Variants in DCLRE1C observed in about 807,000 individuals in gnomAD.
DCLRE1C encodes protein artemis.
Under a neutral mutation model 61.4 loss-of-function variants are expected in DCLRE1C, and 47 were observed. That is an observed-to-expected ratio of 0.77 (90% confidence interval 0.61 to 0.98). The LOEUF is 0.98. Among genes scored for constraint, DCLRE1C ranks in the 50% least tolerant of loss-of-function variants. The pLI, the probability that DCLRE1C is intolerant of heterozygous loss-of-function variation, is 0.00. For missense variants in DCLRE1C, 858 were observed against 816.0 expected (o/e 1.05, Z -0.63); for synonymous variants, 337 against 287.6 (o/e 1.17, Z -1.74).
At chr10:14,946,363 C>T (rs1051372041) in intron 2 of DCLRE1C, among the ~76,000 whole-genome samples, 6 of 152,108 alleles carry the variant, frequency 3.9e-5, no homozygotes, top group African/African-American at 1.4e-4. Context: ...ATATAGTCTA[C>T]GGTAGATTGT....
At chr10:14,948,908 A>G (rs910231394) in intron 2 of DCLRE1C, 128 bp downstream of exon 2, 2 of 726,640 alleles carry the variant, frequency 2.8e-6, no homozygotes. Context: ...GTACTGTCCT[A>G]TTTCTTAATC....
At position 14,908,117 on chromosome 10, in the gene DCLRE1C, C is replaced by G; in HGVS notation, c.*291G>C. 1 of 343,348 alleles carries G rather than the reference C, an allele frequency of 2.9e-6. No homozygotes were observed. The highest frequency in any genetic ancestry group is 5.2e-6 in the Non-Finnish European group (1 of 190,952). The allele number at this position is 343,348 out of a possible 1,614,324, so 21.3% of individuals were successfully genotyped here. A position where few individuals can be genotyped will look rare whatever the true frequency, so the allele number is the denominator to read the frequency against. Reference sequence around the variant, plus strand: ...CTCACTGCAGCCTCAATCTCCTGGGCTCAAGTGATCCTCAAGGGCCTCCAG... The same window carrying G: ...CTCACTGCAGCCTCAATCTCCTGGGGTCAAGTGATCCTCAAGGGCCTCCAG... On this transcript the variant is annotated 3_prime_UTR_variant, in exon 14 of 14. Transcript: ENST00000378278.
chr10:14,901,193 C>G, downstream of DCLRE1C: 2 of 1,613,978 alleles, frequency 1.2e-6, no homozygotes, highest in Admixed American at 1.7e-5. Context: ...TCGTCTTCCC[C>G]GAATAGCATT....
chr10:14,929,399 A>C (rs1359571129), intron 9 of DCLRE1C, among the ~76,000 whole-genome samples: 4 of 151,004 alleles, frequency 2.6e-5, no homozygotes, highest in African/African-American at 9.8e-5. Flanking sequence ...GCGAAACTCT[A>C]TCTCAAAAAA....
chr10:14,950,150 G>A (rs1186727751), intron 1 of DCLRE1C, among the ~76,000 whole-genome samples: 2 of 152,042 alleles, frequency 1.3e-5, no homozygotes, highest in African/African-American at 2.4e-5. Flanking sequence ...AGACCAGCCT[G>A]ACCAATACGG....
rs1841477381 is a variant in DCLRE1C at position 14,945,128 on chromosome 10, A to C, written c.223T>G (p.Tyr75Asp). 6.2e-7 allele frequency: 1 copy of C among 1,612,742 alleles called. No individual in the cohort carries two copies. The highest frequency in any genetic ancestry group is 8.5e-7 in the Non-Finnish European group (1 of 1,179,472). ...ACAATTCGTTTCTTCCAAAATCTGT[A>C]TTTCGGGCTCGTTAACAACAACTCC... The part of the protein sequence containing the change: ...TKELLLTSPK[Y>D]RFWKKRIISI... The change falls in exon 3 of 14, where the codon TAC becomes GAC. Residue 75 changes from tyrosine to aspartate, a missense_variant. Physicochemically the swap from Tyr to Asp is radical, Grantham distance 160. This residue lies in a region of DCLRE1C where 843 missense variants were observed against 783.5 expected (regional missense o/e 1.08). Transcript: ENST00000378278.
At chr10:14,924,430 G>A (rs886986601) in intron 11 of DCLRE1C, among the ~76,000 whole-genome samples, 11 of 152,186 alleles carry the variant, frequency 7.2e-5, no homozygotes, top group Non-Finnish European at 1.2e-4. Flanking sequence ...TCTCTTATTA[G>A]ACATTGGTGA....
chr10:14,912,786 G>A lies in DCLRE1C; in HGVS notation c.1157-3456C>T, dbSNP rs960832093. 5.9e-5 allele frequency among the ~76,000 whole-genome samples: 9 copies of A among 152,318 alleles called. No homozygotes were observed. The East Asian group carries it at 7.7e-4, about 13-fold the overall frequency. On this transcript the variant is annotated intron_variant, in intron 13 of 13. Coordinates refer to ENST00000378278, the MANE Select transcript of DCLRE1C (RefSeq NM_001033855.3). ...TGCAAGCTCTGCCTCCTGGGTTCAC[G>A]CCATTCTGCCTCCGCTGCCCTAATA...
intron 4 of DCLRE1C, among the ~76,000 whole-genome samples, chr10:14,938,484 A>G (rs926768862): frequency 6.6e-6 from 1 of 152,186 alleles, no homozygotes; most frequent in African/African-American, 2.4e-5. Flanking sequence ...TTTCTGTTCA[A>G]CAACACAACA....
At chr10:14,901,478 A>T (rs35207571), downstream of DCLRE1C, among the ~76,000 whole-genome samples, 62,011 of 152,064 alleles carry the variant, frequency 0.41, 14,590 homozygotes, top group African/African-American at 0.65. Flanking sequence ...CTACATCGTA[A>T]ATTTTCAGAA....
Position 14,935,611 on chromosome 10 carries a change from C to A in DCLRE1C, c.363-47G>T, listed in dbSNP as rs776815491. On this transcript the variant is annotated intron_variant, in intron 5 of 13. Coordinates refer to ENST00000378278, the MANE Select transcript of DCLRE1C (RefSeq NM_001033855.3). ...GTGACTTCTGAGTCTCATATAAACT[C>A]CCAATAAAGCAAATACATGTGAGCT... The A allele has an allele frequency of 3.9e-6, 6 of 1,548,504 alleles. No homozygotes were observed. The Admixed American group carries it at 1.0e-4, about 26-fold the overall frequency.
chr10:14,937,363 G>A (rs1252372427), intron 4 of DCLRE1C, among the ~76,000 whole-genome samples: 2 of 142,638 alleles, frequency 1.4e-5, no homozygotes, highest in Non-Finnish European at 1.5e-5. Flanking sequence ...TTGGCTCACT[G>A]CAACCTCTGC....
At chr10:14,899,430 A>C in intron 13 of DCLRE1C, 1 of 1,225,256 alleles carries the variant, frequency 8.2e-7, no homozygotes, top group Non-Finnish European at 1.1e-6. Context: ...TGACACCTGA[A>C]TTTCTTACTT....
At chr10:14,950,627 T>C (rs1199149916) in intron 1 of DCLRE1C, among the ~76,000 whole-genome samples, 1 of 152,192 alleles carries the variant, frequency 6.6e-6, no homozygotes, top group East Asian at 1.9e-4. Flanking sequence ...CCTATGGGTA[T>C]ATCCCTGGGC....
chr10:14,930,653 G>A (rs1253386421), intron 9 of DCLRE1C, among the ~76,000 whole-genome samples: 4 of 151,774 alleles, frequency 2.6e-5, no homozygotes, highest in South Asian at 2.1e-4. Context: ...GACTGGTTTC[G>A]AACTGCTGAC....
intron 10 of DCLRE1C, 91 bp from the exon 11 acceptor site, chr10:14,926,988 A>G (rs1361682569): frequency 9.6e-7 from 1 of 1,038,126 alleles, no homozygotes; most frequent in Non-Finnish European, 1.5e-6. Flanking sequence ...CTATTCTAGC[A>G]TGAAACCACT....
chr10:14,912,978 G>T (rs1183288729), intron 13 of DCLRE1C, among the ~76,000 whole-genome samples: 1 of 127,444 alleles, frequency 7.8e-6, no homozygotes, highest in East Asian at 2.0e-4. Context: ...CACTGTGCCT[G>T]GCCAATAGCT....
Position 14,907,225 on chromosome 10 carries a change from G to A in DCLRE1C, c.*1183C>T, listed in dbSNP as rs1172468953. Reference sequence around the variant, plus strand: ...ATTTGGCCACCGTATTCACATCAAGGTTAAGTGACTTAACATCTTTGGGGA... The same window carrying A: ...ATTTGGCCACCGTATTCACATCAAGATTAAGTGACTTAACATCTTTGGGGA... On this transcript the variant is annotated 3_prime_UTR_variant, in exon 14 of 14. Transcript: ENST00000378278. Among the ~76,000 whole-genome samples the A allele has an allele frequency of 6.6e-6, 1 of 151,124 alleles. No homozygotes were observed. The highest frequency in any genetic ancestry group is 2.4e-5 in the African/African-American group (1 of 41,046).
downstream of DCLRE1C, among the ~76,000 whole-genome samples, chr10:14,904,595 C>G (rs1186085357): frequency 6.6e-6 from 1 of 152,008 alleles, no homozygotes; most frequent in African/African-American, 2.4e-5. Flanking sequence ...GAAAAAAAGA[C>G]TATTTTCAGT....
Sources: gnomAD v4.1 joint callset for allele counts (sites outside exome capture counted in the v4.1 genomes callset) on GRCh38, gnomAD v4.1.1 for gene constraint, gnomAD v4.1.1 regional missense constraint, MANE v1.5 for transcripts, NCBI Gene and HGNC (gene_info 2026-07-23, HGNC 2026-07-21) for gene names.